Variants in CCDC201 observed in about 807,000 individuals in gnomAD.
CCDC201 encodes coiled-coil domain containing 201, also known as coiled-coil domain-containing protein 201.
chr7:45,865,018 G>A (rs920346141), intron 2 of CCDC201, among the ~76,000 whole-genome samples: 1 of 151,984 alleles, frequency 6.6e-6, no homozygotes, highest in Non-Finnish European at 1.5e-5. Flanking sequence ...ACCACAAAAG[G>A]GACCTGGAGA....
intron 2 of CCDC201, among the ~76,000 whole-genome samples, chr7:45,864,702 G>A (rs1256084940): frequency 4.6e-5 from 7 of 152,084 alleles, no homozygotes; most frequent in Non-Finnish European, 1.0e-4. Flanking sequence ...AGCAAGCCAG[G>A]GTAAAGAACA....
chr7:45,861,358 A>G (rs961172026), exon 3 of CCDC201: 1 of 143,758 alleles, frequency 7.0e-6, no homozygotes, highest in African/African-American at 2.6e-5. Context: ...AAGTTATAAA[A>G]AAAGAAAAAA....
the CCDC201 span, among the ~76,000 whole-genome samples, chr7:45,880,402 G>GT: frequency 2.0e-5 from 3 of 152,352 alleles, no homozygotes; most frequent in South Asian, 6.2e-4. Flanking sequence ...TCCTCATACG[G>GT]TAACTCCAGT....
chr7:45,878,578 G>C, the CCDC201 span, among the ~76,000 whole-genome samples: 1 of 152,212 alleles, frequency 6.6e-6, no homozygotes, highest in Non-Finnish European at 1.5e-5. Context: ...GCAGTACCTT[G>C]GCCACTTTTC....
chr7:45,871,952 T>C (rs114041063), intron 1 of CCDC201, among the ~76,000 whole-genome samples: 2 of 152,310 alleles, frequency 1.3e-5, no homozygotes, highest in East Asian at 1.9e-4. Flanking sequence ...ACATCTTCTA[T>C]GGAAGGCAAT....
At chr7:45,875,070 A>G (rs532435046), upstream of CCDC201, among the ~76,000 whole-genome samples, 24 of 152,368 alleles carry the variant, frequency 1.6e-4, no homozygotes, top group South Asian at 6.2e-4. Context: ...TGCAGCCAGT[A>G]TGTGAGTATG....
At chr7:45,876,944 G>A (rs546326466), upstream of CCDC201, among the ~76,000 whole-genome samples, 15 of 152,354 alleles carry the variant, frequency 9.8e-5, no homozygotes, top group East Asian at 1.7e-3. Flanking sequence ...CTGCCAGTTT[G>A]GGTATGGCTG....
the CCDC201 span, among the ~76,000 whole-genome samples, chr7:45,884,943 C>T: frequency 5.3e-5 from 8 of 152,060 alleles, no homozygotes; most frequent in Non-Finnish European, 7.4e-5. Context: ...CACTCCACTG[C>T]GGTCACTGTT....
At chr7:45,873,282 C>T, upstream of CCDC201, among the ~76,000 whole-genome samples, 1 of 133,890 alleles carries the variant, frequency 7.5e-6, no homozygotes, top group East Asian at 2.7e-4. Context: ...CACCCCCCCA[C>T]CCCCCAGCAA....
chr7:45,883,969 T>C, the CCDC201 span, among the ~76,000 whole-genome samples: 6 of 151,236 alleles, frequency 4.0e-5, no homozygotes, highest in East Asian at 1.2e-3. Flanking sequence ...TTCTTTCTTT[T>C]TCTTTCTTTC....
At chr7:45,874,535 G>A (rs536953899), upstream of CCDC201, among the ~76,000 whole-genome samples, 1 of 152,344 alleles carries the variant, frequency 6.6e-6, no homozygotes, top group East Asian at 1.9e-4. Flanking sequence ...GCGGCTCTCA[G>A]CACCCAGGCC....
At chr7:45,881,718 G>A in the CCDC201 span, among the ~76,000 whole-genome samples, 1 of 152,158 alleles carries the variant, frequency 6.6e-6, no homozygotes, top group Non-Finnish European at 1.5e-5. Context: ...CCAACCCACT[G>A]CACCCTGAAT....
At chr7:45,865,930 G>C (rs1198374881) in intron 2 of CCDC201, 106 bp downstream of exon 2, 1 of 152,884 alleles carries the variant, frequency 6.5e-6, no homozygotes, top group Non-Finnish European at 1.5e-5. Flanking sequence ...GGGAAGGAGG[G>C]TGTTGAGTGC....
In CCDC201 at chr7:45,871,515, T is replaced by C. The variant is rs1048438831; in HGVS notation, c.18+1475A>G. 2.0e-5 allele frequency among the ~76,000 whole-genome samples: 3 copies of C among 152,190 alleles called. 1 individual carries two copies. The highest frequency in any genetic ancestry group is 7.2e-5 in the African/African-American group (3 of 41,452). On this transcript the variant is annotated intron_variant, in intron 1 of 2. Coordinates refer to ENST00000636578, the Ensembl canonical transcript of CCDC201. ...AGTATTAGAAGGAACTATCAGTGCA[T>C]TATCTATAAACTTATGTAAGGCTTT...
At chr7:45,875,793 C>T (rs1473436729), upstream of CCDC201, among the ~76,000 whole-genome samples, 2 of 152,094 alleles carry the variant, frequency 1.3e-5, no homozygotes, top group African/African-American at 4.8e-5. Context: ...GCCACCTGGG[C>T]GTGACTGAGG....
At chr7:45,874,534 A>G (rs1786777709), upstream of CCDC201, among the ~76,000 whole-genome samples, 1 of 152,226 alleles carries the variant, frequency 6.6e-6, no homozygotes, top group South Asian at 2.1e-4. Flanking sequence ...AGCGGCTCTC[A>G]GCACCCAGGC....
the CCDC201 span, among the ~76,000 whole-genome samples, chr7:45,884,783 C>G: frequency 6.6e-6 from 1 of 152,168 alleles, no homozygotes; most frequent in Non-Finnish European, 1.5e-5. Context: ...CTCACTTATC[C>G]TAAGGGTCAG....
chr7:45,878,446 A>T, the CCDC201 span, among the ~76,000 whole-genome samples: 2 of 152,178 alleles, frequency 1.3e-5, no homozygotes, highest in Admixed American at 1.3e-4. Context: ...ATTTCCATAC[A>T]TCCTCTGAAA....
At chr7:45,880,981 G>A in the CCDC201 span, among the ~76,000 whole-genome samples, 4 of 152,138 alleles carry the variant, frequency 2.6e-5, no homozygotes, top group East Asian at 1.9e-4. Flanking sequence ...ATGAGTTCAC[G>A]GGGCCAAACT....
Sources: allele counts gnomAD v4.1 joint callset (sites outside exome capture counted in the v4.1 genomes callset), GRCh38; gene constraint gnomAD v4.1.1; transcripts MANE v1.5; gene names NCBI Gene and HGNC (gene_info 2026-07-23, HGNC 2026-07-21).